The following TFDP2 variants were observed in gnomAD, a reference collection of about 807,000 sequenced individuals.
TFDP2 encodes the protein transcription factor Dp-2.
A neutral mutation model predicts 59.3 loss-of-function variants in TFDP2; 17 were observed. The observed-to-expected ratio is 0.29, with a 90% CI of 0.20 to 0.43. The LOEUF is 0.43. Among genes scored for constraint, TFDP2 ranks in the 20% least tolerant of loss-of-function variants. TFDP2 has a pLI of 1.00. For synonymous variants in TFDP2, 180 were observed against 194.7 expected (o/e 0.92, Z 0.63); for missense variants, 391 against 528.8 (o/e 0.74, Z 2.56).
intron 1 of TFDP2, among the ~76,000 whole-genome samples, chr3:142,127,074 T>C (rs1202219397): frequency 2.0e-5 from 3 of 149,376 alleles, no homozygotes; most frequent in Non-Finnish European, 4.4e-5. Context: ...GTATATGTAA[T>C]TAGATGTATC....
intron 3 of TFDP2, among the ~76,000 whole-genome samples, chr3:142,062,407 G>A (rs187640049): frequency 4.2e-3 from 152 of 36,254 alleles, no homozygotes; most frequent in South Asian, 0.011. Flanking sequence ...ATATATGTGT[G>A]TGTGTGTGTG....
intron 3 of TFDP2, among the ~76,000 whole-genome samples, chr3:142,026,121 C>T (rs969345256): frequency 1.3e-5 from 2 of 152,018 alleles, no homozygotes; most frequent in Non-Finnish European, 2.9e-5. Flanking sequence ...ACCATCAGGC[C>T]GAGGTGGGCA....
intron 6 of TFDP2, among the ~76,000 whole-genome samples, chr3:141,992,365 G>A (rs1288982585): frequency 6.6e-6 from 1 of 152,140 alleles, no homozygotes; most frequent in East Asian, 1.9e-4. Flanking sequence ...ACACTTTTAT[G>A]TGTTCTCACT....
chr3:142,133,369 A>C (rs1387421901), intron 1 of TFDP2, among the ~76,000 whole-genome samples: 1 of 149,212 alleles, frequency 6.7e-6, no homozygotes, highest in Non-Finnish European at 1.5e-5. Context: ...GGTGTGCGCC[A>C]TCACACCCCG....
intron 3 of TFDP2, among the ~76,000 whole-genome samples, chr3:142,009,051 T>C (rs1465216467): frequency 1.3e-5 from 2 of 152,194 alleles, no homozygotes; most frequent in Non-Finnish European, 2.9e-5. Flanking sequence ...AAATTCTGGA[T>C]ATTCCTCTTC....
intron 3 of TFDP2, among the ~76,000 whole-genome samples, chr3:142,024,346 C>T (rs953409338): frequency 6.6e-6 from 1 of 152,178 alleles, no homozygotes; most frequent in Non-Finnish European, 1.5e-5. Flanking sequence ...AACATAATTA[C>T]ATGACAGGTT....
At chr3:141,989,881 A>ATTATTATT (rs749856211) in intron 6 of TFDP2, among the ~76,000 whole-genome samples, 4,643 of 149,472 alleles carry the variant, frequency 0.031, 96 homozygotes, top group Non-Finnish European at 0.05. Context: ...TTACTTTAAT[A>ATTATTATT]ATAATAATAA....
chr3:142,012,278 CTGGGATCATAGGCGTGAGCCACCA>C (rs1412681715), intron 3 of TFDP2, among the ~76,000 whole-genome samples: 1 of 152,174 alleles, frequency 6.6e-6, no homozygotes, highest in Non-Finnish European at 1.5e-5. Context: ...TCCCAAAGTG[CTGGGATCATAGGCGTGAGCCACCA>C]TGCTCGGCCT....
intron 3 of TFDP2, among the ~76,000 whole-genome samples, chr3:142,031,031 C>T (rs889679687): frequency 2.6e-5 from 4 of 152,032 alleles, no homozygotes; most frequent in African/African-American, 9.7e-5. Context: ...CGTGAGCCAC[C>T]GCGCCCGGCG....
intron 3 of TFDP2, among the ~76,000 whole-genome samples, chr3:142,070,162 C>T (rs187056706): frequency 1.1e-4 from 17 of 152,374 alleles, no homozygotes; most frequent in Admixed American, 1.1e-3. Context: ...CCATCTCGGC[C>T]TCCCAAAGTG....
intron 1 of TFDP2, chr3:142,145,622 C>G (rs2063142001): frequency 6.6e-6 from 1 of 151,820 alleles, no homozygotes. Context: ...GCCTGCAGAC[C>G]CAGCAACTCG....
At chr3:141,991,468 TA>T (rs1294513521) in intron 6 of TFDP2, among the ~76,000 whole-genome samples, 4 of 151,566 alleles carry the variant, frequency 2.6e-5, no homozygotes, top group Non-Finnish European at 5.9e-5. Flanking sequence ...AAGTAAAAAA[TA>T]AAAAAAAGGC....
At chr3:142,062,667 A>T (rs1015630370) in intron 3 of TFDP2, among the ~76,000 whole-genome samples, 1 of 152,118 alleles carries the variant, frequency 6.6e-6, no homozygotes, top group Non-Finnish European at 1.5e-5. Context: ...AAATACGTAC[A>T]TGTGTTCACC....
intron 11 of TFDP2, among the ~76,000 whole-genome samples, chr3:141,956,944 C>G (rs537321190): frequency 6.4e-5 from 9 of 141,188 alleles, no homozygotes; most frequent in African/African-American, 2.2e-4. Flanking sequence ...TGCCCCACCC[C>G]CCCCACAAAA....
At chr3:142,050,651 A>G (rs563114045) in intron 3 of TFDP2, among the ~76,000 whole-genome samples, 13 of 151,510 alleles carry the variant, frequency 8.6e-5, no homozygotes, top group African/African-American at 3.1e-4. Context: ...AGTCACGATC[A>G]CGCCACTGCA....
rs1406505633 is a variant in TFDP2, at chr3:141,950,861, T to A, written c.*1652A>T. On this transcript the variant is annotated 3_prime_UTR_variant, in exon 13 of 13. Coordinates refer to ENST00000489671, the MANE Select transcript of TFDP2 (RefSeq NM_001178139.2). ...AAGACCGAGTTCTCTAGAAACTGCC[T>A]CTATCTCTGAGTCTGTACTATGGCT... is the stretch of plus-strand genomic sequence containing the variant. The A allele has an allele frequency of 6.6e-6, 1 of 152,374 alleles. No individual in the cohort carries two copies. Among genetic ancestry groups the A allele is most frequent in the Admixed American group, 6.5e-5 (1 of 15,282 alleles). The allele number at this position is 152,374 out of a possible 1,614,324, so 9.4% of individuals were successfully genotyped here. A position where few individuals can be genotyped will look rare whatever the true frequency, so the allele number is the denominator to read the frequency against.
intron 3 of TFDP2, among the ~76,000 whole-genome samples, chr3:142,060,087 A>T (rs1237213577): frequency 6.6e-6 from 1 of 152,212 alleles, no homozygotes; most frequent in Non-Finnish European, 1.5e-5. Flanking sequence ...TCCCAAAATA[A>T]GTACCACATA....
chr3:142,121,864 C>A lies in TFDP2; in HGVS notation c.-92-20023G>T, dbSNP rs540542851. Among the ~76,000 whole-genome samples the A allele has an allele frequency of 1.3e-3, 189 of 146,164 alleles. No individual in the cohort carries two copies. The highest frequency in any genetic ancestry group is 4.7e-3 in the African/African-American group (181 of 38,882). ...AAATACGAAGTTAAAAAAAAAAAAA[C>A]TTCATTGTAGACATTTCTGAGGTTC... On this transcript the variant is annotated intron_variant, in intron 1 of 12. Transcript: ENST00000489671. The surrounding 1 kb of genome is among the most constrained non-coding windows in gnomAD (Gnocchi z 4.3).
chr3:142,042,479 T>C (rs995637137), intron 3 of TFDP2, among the ~76,000 whole-genome samples: 1 of 152,072 alleles, frequency 6.6e-6, no homozygotes, highest in Non-Finnish European at 1.5e-5. Context: ...TTTGTACTTT[T>C]AGTAGAGACG....
Sources: gnomAD v4.1 joint callset for allele counts (sites outside exome capture counted in the v4.1 genomes callset) on GRCh38, gnomAD v4.1.1 for gene constraint, Gnocchi (gnomAD v3.1) non-coding constraint, MANE v1.5 for transcripts, NCBI Gene and HGNC (gene_info 2026-07-23, HGNC 2026-07-21) for gene names.